GRK3: variants seen among roughly 807,000 people sequenced by gnomAD.
The protein encoded by GRK3 is G protein-coupled receptor kinase 3.
GRK3 carries 54 observed loss-of-function variants against 95.7 expected under a neutral mutation model. The ratio of observed to expected loss-of-function variants is 0.56; its 90% CI spans 0.45 to 0.71. GRK3 has a LOEUF of 0.71. Ranked by LOEUF, GRK3 falls within the 30% of genes least tolerant of loss-of-function variation. The probability of loss-of-function intolerance (pLI) is 0.00; values close to 1 mark genes in which losing one functional copy is unlikely to be tolerated. For missense variants in GRK3, 649 were observed against 851.2 expected (o/e 0.76, Z 2.96); for synonymous variants, 281 against 290.8 (o/e 0.97, Z 0.34).
At chr22:25,678,281 C>T (rs2085047887) in intron 8 of GRK3, among the ~76,000 whole-genome samples, 1 of 151,996 alleles carries the variant, frequency 6.6e-6, no homozygotes, top group Admixed American at 6.6e-5. Context: ...GGTGAAACCC[C>T]ATCTCTACTA....
At chr22:25,647,756 GA>G in intron 3 of GRK3, 1 of 1,069,008 alleles carries the variant, frequency 9.4e-7, no homozygotes, top group Non-Finnish European at 1.5e-6. Context: ...AAAATGGGGA[GA>G]AAAGATGCTG....
At chr22:25,632,042 T>C (rs920108056) in intron 2 of GRK3, among the ~76,000 whole-genome samples, 2 of 152,220 alleles carry the variant, frequency 1.3e-5, no homozygotes, top group Non-Finnish European at 2.9e-5. Context: ...TATGTGACTA[T>C]AAGAGCATAC....
At chr22:25,591,245 A>C (rs896008188) in intron 1 of GRK3, among the ~76,000 whole-genome samples, 17 of 152,228 alleles carry the variant, frequency 1.1e-4, no homozygotes, top group African/African-American at 3.9e-4. Context: ...ACTCAGGAAT[A>C]GCAAAATGGA....
chr22:25,611,485 G>T (rs150861213), intron 2 of GRK3, among the ~76,000 whole-genome samples: 1 of 152,078 alleles, frequency 6.6e-6, no homozygotes, highest in Non-Finnish European at 1.5e-5. Context: ...ACCAATACTT[G>T]TTGTTACCCG....
intron 1 of GRK3, among the ~76,000 whole-genome samples, chr22:25,573,579 G>A (rs1442985262): frequency 1.3e-5 from 2 of 152,152 alleles, no homozygotes; most frequent in Non-Finnish European, 2.9e-5. Context: ...CTTTAAATAT[G>A]CAGAAAAAGG....
chr22:25,568,963 A>T (rs1477145226), intron 1 of GRK3, among the ~76,000 whole-genome samples: 1 of 152,212 alleles, frequency 6.6e-6, no homozygotes. Flanking sequence ...TTGTGTAGCC[A>T]CCACATGTAA....
chr22:25,610,089 G>A (rs1175127834), intron 2 of GRK3, among the ~76,000 whole-genome samples: 1 of 151,888 alleles, frequency 6.6e-6, no homozygotes, highest in Admixed American at 6.6e-5. Flanking sequence ...TTGACCTTGT[G>A]ATCCACCCAC....
At chr22:25,647,362 C>A in intron 3 of GRK3, 1 of 1,294,330 alleles carries the variant, frequency 7.7e-7, no homozygotes, top group Non-Finnish European at 1.1e-6. Context: ...GGAGCAGAAC[C>A]CACTGCAGTG....
At chr22:25,691,921 CA>C (rs1202630670) in intron 12 of GRK3, among the ~76,000 whole-genome samples, 2 of 152,140 alleles carry the variant, frequency 1.3e-5, no homozygotes, top group African/African-American at 4.8e-5. Flanking sequence ...AAATAATGAT[CA>C]GGAGGCTACT....
intron 13 of GRK3, among the ~76,000 whole-genome samples, chr22:25,698,880 C>T (rs866983474): frequency 4.6e-5 from 7 of 152,112 alleles, no homozygotes; most frequent in East Asian, 1.9e-4. Flanking sequence ...GCTTCTGTAA[C>T]GCTTCAGTGT....
intron 13 of GRK3, among the ~76,000 whole-genome samples, chr22:25,699,198 C>A (rs1348385663): frequency 3.3e-5 from 5 of 152,068 alleles, no homozygotes; most frequent in Non-Finnish European, 7.4e-5. Flanking sequence ...GTGGGAGAAC[C>A]TCAAAAATAT....
rs545772169 is a variant in GRK3 at position 25,636,873 on chromosome 22, G to A, written c.191-7719G>A. On this transcript the variant is annotated intron_variant, in intron 2 of 20. Coordinates refer to ENST00000324198, the MANE Select transcript of GRK3 (RefSeq NM_005160.4). ...TGTCTGACATTTACTGATGGTGATGGTAAAGTTTCGTAGTCAACCTGGCTA... is the reference window on the plus strand; with the variant it reads ...TGTCTGACATTTACTGATGGTGATGATAAAGTTTCGTAGTCAACCTGGCTA... Among the ~76,000 whole-genome samples the A allele has an allele frequency of 2.0e-5, 3 of 152,262 alleles. No homozygotes were observed. In the South Asian group the frequency reaches 6.2e-4, roughly 32 times the overall value.
At chr22:25,589,303 A>C (rs1172311390) in intron 1 of GRK3, among the ~76,000 whole-genome samples, 1 of 152,208 alleles carries the variant, frequency 6.6e-6, no homozygotes, top group Non-Finnish European at 1.5e-5. Flanking sequence ...CTCTACCAGT[A>C]AGGTGTTGAC....
chr22:25,607,675 C>T, intron 2 of GRK3, among the ~76,000 whole-genome samples: 1 of 152,078 alleles, frequency 6.6e-6, no homozygotes, highest in East Asian at 1.9e-4. Flanking sequence ...CTCCCAGGTT[C>T]AAGCAGTTGT....
intron 12 of GRK3, among the ~76,000 whole-genome samples, chr22:25,694,102 A>G (rs1480182580): frequency 6.6e-6 from 1 of 152,124 alleles, no homozygotes; most frequent in Non-Finnish European, 1.5e-5. Flanking sequence ...AAAAATTCTT[A>G]CACTAAGATA....
At chr22:25,684,879 C>T (rs2085100851) in intron 9 of GRK3, among the ~76,000 whole-genome samples, 1 of 152,058 alleles carries the variant, frequency 6.6e-6, no homozygotes, top group Non-Finnish European at 1.5e-5. Context: ...GATAAAAACC[C>T]ACAGCATATA....
intron 2 of GRK3, among the ~76,000 whole-genome samples, chr22:25,619,559 C>T (rs1311077341): frequency 6.6e-6 from 1 of 151,862 alleles, no homozygotes; most frequent in Admixed American, 6.6e-5. Context: ...TCATAGCTCA[C>T]TGCTGCCTCG....
rs182602258 is a variant in GRK3, at chr22:25,606,412, C to G, written c.190+1959C>G. 7.9e-5 allele frequency among the ~76,000 whole-genome samples: 12 copies of G among 152,186 alleles called. No homozygotes were observed. The East Asian group carries it at 2.3e-3, about 29-fold the overall frequency. On this transcript the variant is annotated intron_variant, in intron 2 of 20. Coordinates refer to ENST00000324198, the MANE Select transcript of GRK3 (RefSeq NM_005160.4). ...TGTCTAGTGTTGTTGGCCTGCTCCC[C>G]GTTTTTCTCTGTAGTAGTCTCACTT...
chr22:25,673,362 G>A (rs1458611725), intron 7 of GRK3, among the ~76,000 whole-genome samples: 1 of 137,100 alleles, frequency 7.3e-6, no homozygotes, highest in Non-Finnish European at 1.5e-5. Flanking sequence ...GCGCCCAGCA[G>A]GAGTTTTGTT....
Sources: gnomAD v4.1 joint callset for allele counts (sites outside exome capture counted in the v4.1 genomes callset) on GRCh38, gnomAD v4.1.1 for gene constraint, MANE v1.5 for transcripts, NCBI Gene and HGNC (gene_info 2026-07-23, HGNC 2026-07-21) for gene names.